Variants in PCDH15 observed in about 807,000 individuals in gnomAD.
PCDH15 encodes the protein protocadherin related 15.
In PCDH15, 129 loss-of-function variants were observed where a neutral mutation model predicts 178.5. The ratio of observed to expected loss-of-function variants is 0.72; its 90% confidence interval spans 0.63 to 0.84. The LOEUF is 0.84. Ranked by LOEUF, PCDH15 falls within the 40% of genes least tolerant of loss-of-function variation. The probability of loss-of-function intolerance (pLI) is 0.00; values close to 1 mark genes in which losing one functional copy is unlikely to be tolerated. For missense variants in PCDH15, 2,230 were observed against 2,099.9 expected, an observed-to-expected ratio of 1.06 and a Z score of -1.21; for synonymous variants, 800 against 732.0, an observed-to-expected ratio of 1.09 and a Z score of -1.50.
At chr10:54,019,003 T>A (rs2610862) in intron 20 of PCDH15, among the ~76,000 whole-genome samples, 115,669 of 151,848 alleles carry the variant, frequency 0.76, 44,315 homozygotes, top group Middle Eastern at 0.86. Context: ...TGGTCATTGA[T>A]ATACTCTATA....
At chr10:54,437,232 G>A (rs1193831680) in intron 3 of PCDH15, among the ~76,000 whole-genome samples, 1 of 152,146 alleles carries the variant, frequency 6.6e-6, no homozygotes, top group Non-Finnish European at 1.5e-5. Flanking sequence ...CATATATCCT[G>A]CAGAGTTGCT....
intron 18 of PCDH15, among the ~76,000 whole-genome samples, chr10:54,030,693 C>G (rs1404284505): frequency 3.3e-5 from 5 of 151,904 alleles, no homozygotes; most frequent in Non-Finnish European, 7.4e-5. Context: ...ACACAATAAA[C>G]TACATTTTAT....
chr10:54,666,860 TG>T (rs2094580670), intron 1 of PCDH15, among the ~76,000 whole-genome samples: 1 of 152,006 alleles, frequency 6.6e-6, no homozygotes, highest in South Asian at 2.1e-4. Context: ...TCACAAATTA[TG>T]GCATATTCTT....
At chr10:55,258,758 CT>C (rs11398382) in intron 1 of PCDH15, among the ~76,000 whole-genome samples, 128 of 108,160 alleles carry the variant, frequency 1.2e-3, no homozygotes, top group Middle Eastern at 7.5e-3. Context: ...TGTTTGTCTG[CT>C]TTTTTTTTTT....
intron 15 of PCDH15, among the ~76,000 whole-genome samples, chr10:54,097,029 T>C (rs1253237975): frequency 1.3e-5 from 2 of 152,012 alleles, no homozygotes. Context: ...CACCAAAATA[T>C]AACCAGATTG....
intron 1 of PCDH15, among the ~76,000 whole-genome samples, chr10:55,250,493 A>G (rs1841805994): frequency 6.7e-6 from 1 of 149,978 alleles, no homozygotes; most frequent in Non-Finnish European, 1.5e-5. Flanking sequence ...AAAAAAAAAA[A>G]CTAGTCAATA....
chr10:54,326,625 C>G (rs369991785), intron 7 of PCDH15, among the ~76,000 whole-genome samples: 45 of 152,084 alleles, frequency 3.0e-4, no homozygotes, highest in African/African-American at 1.0e-3. Context: ...ACATACAAAG[C>G]ATGCCCCAAA....
intron 2 of PCDH15, among the ~76,000 whole-genome samples, chr10:55,342,712 T>A (rs1051548468): frequency 6.6e-6 from 1 of 152,122 alleles, no homozygotes; most frequent in Non-Finnish European, 1.5e-5. Context: ...TATGATGGAC[T>A]CCTTAACAAA....
intron 13 of PCDH15, among the ~76,000 whole-genome samples, chr10:54,166,874 T>G (rs2046285491): frequency 6.6e-6 from 1 of 152,174 alleles, no homozygotes; most frequent in African/African-American, 2.4e-5. Flanking sequence ...GTGAAAGTCC[T>G]TTTCCTCGCT....
At chr10:54,985,542 T>A (rs776339557) in intron 2 of PCDH15, among the ~76,000 whole-genome samples, 11 of 152,148 alleles carry the variant, frequency 7.2e-5, no homozygotes, top group Non-Finnish European at 1.3e-4. Flanking sequence ...ATACTTACAT[T>A]AGCCTACAGT....
At chr10:55,586,635 A>T (rs546650083) in intron 2 of PCDH15, among the ~76,000 whole-genome samples, 1 of 152,314 alleles carries the variant, frequency 6.6e-6, no homozygotes, top group Admixed American at 6.5e-5. Context: ...AATGTGTCCA[A>T]AAAGTCTGTA....
intron 2 of PCDH15, among the ~76,000 whole-genome samples, chr10:54,975,798 G>T (rs1269576719): frequency 1.3e-5 from 2 of 152,000 alleles, no homozygotes; most frequent in Non-Finnish European, 2.9e-5. Flanking sequence ...ATAGAAAAAA[G>T]GAAAGTGTCA....
intron 1 of PCDH15, among the ~76,000 whole-genome samples, chr10:54,769,449 T>G (rs530008528): frequency 2.0e-5 from 3 of 152,038 alleles, no homozygotes; most frequent in Non-Finnish European, 2.9e-5. Flanking sequence ...GAGATTTTTT[T>G]TTTTTTCAAA....
At chr10:54,936,649 A>G (rs570586919) in intron 2 of PCDH15, among the ~76,000 whole-genome samples, 37 of 151,242 alleles carry the variant, frequency 2.4e-4, no homozygotes, top group African/African-American at 8.5e-4. Flanking sequence ...TCATAATTCC[A>G]TGTTTTCTTT....
intron 11 of PCDH15, among the ~76,000 whole-genome samples, chr10:54,192,639 A>G (rs1401082865): frequency 6.6e-6 from 1 of 152,116 alleles, no homozygotes; most frequent in South Asian, 2.1e-4. Context: ...TATATTTTAT[A>G]TATAGAAACT....
At chr10:55,018,533 G>T (rs1840242519) in intron 2 of PCDH15, among the ~76,000 whole-genome samples, 1 of 152,028 alleles carries the variant, frequency 6.6e-6, no homozygotes, top group African/African-American at 2.4e-5. Flanking sequence ...ATCTGTGGTT[G>T]GTTGAATCAG....
At chr10:54,625,384 T>C (rs1590648252) in intron 2 of PCDH15, among the ~76,000 whole-genome samples, 1 of 152,052 alleles carries the variant, frequency 6.6e-6, no homozygotes, top group Admixed American at 6.6e-5. Flanking sequence ...AATGATATGG[T>C]TTGGTTCTGT....
chr10:54,413,410 GACA>G (rs1472518009), intron 3 of PCDH15, among the ~76,000 whole-genome samples: 2 of 152,082 alleles, frequency 1.3e-5, no homozygotes, highest in Non-Finnish European at 2.9e-5. Flanking sequence ...CTCCACCTCT[GACA>G]ACAATATTCA....
Position 54,329,636 on chromosome 10 carries a change from TA to T in PCDH15, c.664del (p.Tyr222MetfsTer10). ...GNIVLRKRLN[Y>X]EDKTRYFVII... ...GACAAAGTAGCGAGTCTTATCTTCA[TA>T]GTTGAGCCTCTTCCTTAACACTATA... On this transcript the variant is annotated frameshift_variant, in exon 7 of 38. Coordinates refer to ENST00000644397, the MANE Select transcript of PCDH15 (RefSeq NM_001384140.1). LOFTEE classifies it high-confidence loss of function. 1.2e-6 allele frequency: 2 copies of T among 1,608,690 alleles called. No homozygotes were observed. Among genetic ancestry groups the T allele is most frequent in the Non-Finnish European group, 8.5e-7 (1 of 1,175,436 alleles).
Sources: gnomAD v4.1 joint callset for allele counts (sites outside exome capture counted in the v4.1 genomes callset) on GRCh38, gnomAD v4.1.1 for gene constraint, MANE v1.5 for transcripts, NCBI Gene and HGNC (gene_info 2026-07-23, HGNC 2026-07-21) for gene names.